The following CDH20 variants were observed in gnomAD, a reference collection of about 807,000 sequenced individuals.
The protein encoded by CDH20 is cadherin-20.
Under a neutral mutation model 74.2 loss-of-function variants are expected in CDH20, and 29 were observed. That is an observed-to-expected ratio of 0.39 (90% CI 0.29 to 0.53). The LOEUF (loss-of-function observed/expected upper bound fraction) is 0.53. Ranked by LOEUF, CDH20 falls within the 20% of genes least tolerant of loss-of-function variation. The pLI is 0.69. For synonymous variants in CDH20, 469 were observed against 405.4 expected, an observed-to-expected ratio of 1.16 and a Z score of -1.88; for missense variants, 988 against 1,048.3, an observed-to-expected ratio of 0.94 and a Z score of 0.79.
intron 1 of CDH20, among the ~76,000 whole-genome samples, chr18:61,468,272 A>G (rs1910036941): frequency 6.6e-6 from 1 of 152,218 alleles, no homozygotes; most frequent in Non-Finnish European, 1.5e-5. Flanking sequence ...AACAGAAATG[A>G]CAATCTTGAT....
At position 61,538,614 on chromosome 18, in the gene CDH20, GTTTTTGTTTTGT is replaced by G. The variant is rs1912908412; in HGVS notation, c.1409-404_1409-393del. On this transcript the variant is annotated intron_variant, in intron 8 of 11. Coordinates refer to ENST00000262717, the MANE Select transcript of CDH20 (RefSeq NM_031891.4). ...TTTGTTTGTTTTTGTTTTTGTTTTT[GTTTTTGTTTTGT>G]TTTTTTTTTTGAGACGGAGTCTTAC... Among the ~76,000 whole-genome samples, 2 of 57,550 alleles carry G rather than the reference GTTTTTGTTTTGT, an allele frequency of 3.5e-5. 1 individual carries two copies. The highest frequency in any genetic ancestry group is 1.1e-4 in the African/African-American group (2 of 18,766). The allele number at this position is 57,550 out of a possible 152,430, so 37.8% of individuals were successfully genotyped here. A position where few individuals can be genotyped will look rare whatever the true frequency, so the allele number is the denominator to read the frequency against.
chr18:61,420,999 T>A (rs1912858382), intron 1 of CDH20, among the ~76,000 whole-genome samples: 1 of 152,052 alleles, frequency 6.6e-6, no homozygotes, highest in Admixed American at 6.6e-5. Context: ...TGCAGGGAGC[T>A]GAGATTGCAC....
At chr18:61,410,834 G>T in intron 1 of CDH20, among the ~76,000 whole-genome samples, 1 of 152,174 alleles carries the variant, frequency 6.6e-6, no homozygotes, top group East Asian at 1.9e-4. Flanking sequence ...AAAGGAGATG[G>T]CCTTTCTCAG....
At chr18:61,487,602 G>A (rs1002484012) in intron 1 of CDH20, among the ~76,000 whole-genome samples, 4 of 152,138 alleles carry the variant, frequency 2.6e-5, no homozygotes, top group Admixed American at 6.5e-5. Flanking sequence ...GGGCTCCCCC[G>A]GTCAAGATCC....
At chr18:61,363,239 G>A in intron 1 of CDH20, among the ~76,000 whole-genome samples, 1 of 152,158 alleles carries the variant, frequency 6.6e-6, no homozygotes, top group Non-Finnish European at 1.5e-5. Context: ...TTGGGATTCA[G>A]GTAAGCAGTA....
At chr18:61,474,195 A>T (rs752948401) in intron 1 of CDH20, among the ~76,000 whole-genome samples, 4 of 152,206 alleles carry the variant, frequency 2.6e-5, no homozygotes, top group Admixed American at 2.6e-4. Flanking sequence ...AATCTCCCTA[A>T]GCAACCTGTC....
At chr18:61,443,817 C>T (rs1909108650) in intron 1 of CDH20, among the ~76,000 whole-genome samples, 1 of 152,134 alleles carries the variant, frequency 6.6e-6, no homozygotes. Flanking sequence ...CCCCATGGTG[C>T]TCTATTAGGA....
chr18:61,485,750 C>T (rs942510608), intron 1 of CDH20, among the ~76,000 whole-genome samples: 8 of 152,082 alleles, frequency 5.3e-5, no homozygotes, highest in African/African-American at 1.9e-4. Flanking sequence ...TTCCACCTCC[C>T]AGTCAAGGTT....
intron 1 of CDH20, among the ~76,000 whole-genome samples, chr18:61,449,763 A>AATAT: frequency 6.6e-6 from 1 of 150,752 alleles, no homozygotes; most frequent in Non-Finnish European, 1.5e-5. Context: ...AATAGAAAAA[A>AATAT]ATATATATAT....
chr18:61,354,294 C>A (rs1403788374), intron 1 of CDH20, among the ~76,000 whole-genome samples: 1 of 152,050 alleles, frequency 6.6e-6, no homozygotes, highest in Non-Finnish European at 1.5e-5. Context: ...GCAAAAGTCA[C>A]GCAAGCCTCT....
At chr18:61,480,821 T>A (rs639787) in intron 1 of CDH20, among the ~76,000 whole-genome samples, 151,096 of 152,362 alleles carry the variant, frequency 0.99, 74,938 homozygotes, top group Middle Eastern at 1. Flanking sequence ...ACAGTTCTAG[T>A]AGACTTCTGA....
intron 9 of CDH20, among the ~76,000 whole-genome samples, chr18:61,542,331 C>A (rs1214768559): frequency 6.6e-6 from 1 of 152,164 alleles, no homozygotes; most frequent in African/African-American, 2.4e-5. Context: ...ATTCCCCCTA[C>A]TTTCAGGTTC....
At chr18:61,379,209 A>G (rs1911352021) in intron 1 of CDH20, among the ~76,000 whole-genome samples, 1 of 152,188 alleles carries the variant, frequency 6.6e-6, no homozygotes, top group African/African-American at 2.4e-5. Context: ...TCTTTATTTC[A>G]ACTGGCTATT....
At chr18:61,343,937 T>A (rs1910035186) in intron 1 of CDH20, among the ~76,000 whole-genome samples, 1 of 151,882 alleles carries the variant, frequency 6.6e-6, no homozygotes, top group Admixed American at 6.6e-5. Flanking sequence ...AGCAGTGAGT[T>A]CCCAGCAGCC....
At chr18:61,431,147 C>A (rs1329562693) in intron 1 of CDH20, among the ~76,000 whole-genome samples, 1 of 152,092 alleles carries the variant, frequency 6.6e-6, no homozygotes, top group Non-Finnish European at 1.5e-5. Flanking sequence ...TTCTAGCATC[C>A]CATGTTGCCT....
At chr18:61,344,133 T>C (rs2095795321) in intron 1 of CDH20, among the ~76,000 whole-genome samples, 1 of 152,218 alleles carries the variant, frequency 6.6e-6, no homozygotes, top group African/African-American at 2.4e-5. Flanking sequence ...ATGTACTATT[T>C]TCTCTAACCC....
chr18:61,412,923 G>T (rs919045155), intron 1 of CDH20, among the ~76,000 whole-genome samples: 1 of 152,078 alleles, frequency 6.6e-6, no homozygotes, highest in African/African-American at 2.4e-5. Context: ...GAGGTTACAA[G>T]GTAGTTTAAT....
intron 1 of CDH20, among the ~76,000 whole-genome samples, chr18:61,389,702 G>A (rs1263631057): frequency 6.6e-6 from 1 of 152,086 alleles, no homozygotes; most frequent in Non-Finnish European, 1.5e-5. Context: ...TGTGGTTATT[G>A]CCCATGCAAA....
At chr18:61,410,043 C>T (rs377141134) in intron 1 of CDH20, among the ~76,000 whole-genome samples, 9 of 152,194 alleles carry the variant, frequency 5.9e-5, no homozygotes, top group Admixed American at 4.6e-4. Context: ...AAAGCCAATT[C>T]AGATAATGAA....
Sources: gnomAD v4.1 joint callset for allele counts (sites outside exome capture counted in the v4.1 genomes callset) on GRCh38, gnomAD v4.1.1 for gene constraint, MANE v1.5 for transcripts, NCBI Gene and HGNC (gene_info 2026-07-23, HGNC 2026-07-21) for gene names.